CDK6: variants seen among roughly 807,000 people sequenced by gnomAD.
The protein encoded by CDK6 is cyclin-dependent kinase 6.
A neutral mutation model predicts 37.1 loss-of-function variants in CDK6; 6 were observed. The ratio of observed to expected loss-of-function variants is 0.16; its 90% CI spans 0.09 to 0.32. CDK6 has a LOEUF of 0.32. CDK6 is among the 10% of genes least tolerant of loss of function. The pLI, the probability that CDK6 is intolerant of heterozygous loss-of-function variation, is 1.00. For synonymous variants in CDK6, 160 were observed against 161.3 expected, an observed-to-expected ratio of 0.99 and a Z score of 0.06; for missense variants, 224 against 418.9, an observed-to-expected ratio of 0.53 and a Z score of 4.06.
At chr7:92,770,319 CTT>C (rs746741500) in intron 3 of CDK6, among the ~76,000 whole-genome samples, 1,470 of 90,852 alleles carry the variant, frequency 0.016, 28 homozygotes, top group African/African-American at 0.057. Flanking sequence ...TCTATGTATG[CTT>C]TTTTTTTTTT....
At chr7:92,744,440 C>G (rs548637892) in intron 3 of CDK6, among the ~76,000 whole-genome samples, 1 of 152,152 alleles carries the variant, frequency 6.6e-6, no homozygotes, top group Admixed American at 6.6e-5. Context: ...TAACTCCCAA[C>G]GGGTCTTTCT....
chr7:92,723,248 A>G (rs1488380834), intron 4 of CDK6, among the ~76,000 whole-genome samples: 2 of 152,198 alleles, frequency 1.3e-5, no homozygotes, highest in Admixed American at 1.3e-4. Context: ...TAATTTCTGA[A>G]GGGGATACTA....
intron 4 of CDK6, among the ~76,000 whole-genome samples, chr7:92,680,437 A>AG: frequency 1.1e-4 from 12 of 107,678 alleles, no homozygotes; most frequent in Non-Finnish European, 1.9e-4. Context: ...CCATCTCAGA[A>AG]AAAAAAAAAA....
At chr7:92,744,863 C>T (rs1320881497) in intron 3 of CDK6, among the ~76,000 whole-genome samples, 1 of 152,038 alleles carries the variant, frequency 6.6e-6, no homozygotes, top group African/African-American at 2.4e-5. Flanking sequence ...TAGTCATCTT[C>T]CTTTCACTCT....
chr7:92,719,304 C>A (rs574790586), intron 4 of CDK6, among the ~76,000 whole-genome samples: 1 of 152,140 alleles, frequency 6.6e-6, no homozygotes, highest in South Asian at 2.1e-4. Context: ...TGTAATACTT[C>A]TGGTATTAAA....
At chr7:92,699,832 G>A (rs1255641823) in intron 4 of CDK6, among the ~76,000 whole-genome samples, 2 of 152,168 alleles carry the variant, frequency 1.3e-5, no homozygotes, top group Admixed American at 1.3e-4. Context: ...TTAAAAGCCT[G>A]GATTCAAATC....
intron 5 of CDK6, among the ~76,000 whole-genome samples, chr7:92,625,393 G>A (rs1795903032): frequency 6.6e-6 from 1 of 151,766 alleles, no homozygotes; most frequent in Non-Finnish European, 1.5e-5. Context: ...CTTTCCTCTG[G>A]GGTCACTAAA....
intron 4 of CDK6, among the ~76,000 whole-genome samples, chr7:92,704,255 A>G (rs903642639): frequency 1.3e-5 from 2 of 152,192 alleles, no homozygotes; most frequent in Admixed American, 6.5e-5. Flanking sequence ...TATATCATTA[A>G]TTTCTACACT....
chr7:92,755,813 T>C (rs951241519), intron 3 of CDK6, among the ~76,000 whole-genome samples: 4 of 152,212 alleles, frequency 2.6e-5, no homozygotes, highest in Non-Finnish European at 5.9e-5. Flanking sequence ...AACAGTCAGC[T>C]TCCAGGAAGG....
intron 4 of CDK6, among the ~76,000 whole-genome samples, chr7:92,703,619 T>C (rs919330583): frequency 1.3e-5 from 2 of 152,226 alleles, no homozygotes; most frequent in Admixed American, 6.5e-5. Flanking sequence ...GTGTTATGTA[T>C]GCAAGCAACT....
intron 2 of CDK6, among the ~76,000 whole-genome samples, chr7:92,794,915 A>T (rs567611691): frequency 2.6e-5 from 4 of 152,144 alleles, no homozygotes; most frequent in Non-Finnish European, 5.9e-5. Context: ...TCTTTGGCCC[A>T]TAAAACGATT....
intron 2 of CDK6, among the ~76,000 whole-genome samples, chr7:92,795,091 G>A (rs1800376061): frequency 6.6e-6 from 1 of 152,074 alleles, no homozygotes; most frequent in African/African-American, 2.4e-5. Flanking sequence ...CATGGGATAA[G>A]GCAATTATCC....
intron 5 of CDK6, among the ~76,000 whole-genome samples, chr7:92,662,056 G>C (rs1796852067): frequency 6.6e-6 from 1 of 152,154 alleles, no homozygotes; most frequent in Non-Finnish European, 1.5e-5. Context: ...GGAGAGACAA[G>C]GGCATGATTT....
chr7:92,832,957 G>T, intron 2 of CDK6, 134 bp downstream of exon 2: 3 of 654,268 alleles, frequency 4.6e-6, no homozygotes, highest in South Asian at 1.8e-5. Flanking sequence ...CTCTCACTCT[G>T]TAAGACCAAC....
intron 2 of CDK6, among the ~76,000 whole-genome samples, chr7:92,803,252 G>C (rs765463447): frequency 4.6e-5 from 7 of 152,122 alleles, no homozygotes; most frequent in Non-Finnish European, 1.0e-4. Context: ...TGCTTACAAG[G>C]AGCTTTCCCT....
rs982732408 is a variant in CDK6, at chr7:92,730,500, T to A, written c.370-4707A>T. Among the ~76,000 whole-genome samples the A allele has an allele frequency of 3.3e-5, 5 of 152,218 alleles. No homozygotes were observed. The South Asian group carries it at 1.0e-3, about 32-fold the overall frequency. On this transcript the variant is annotated intron_variant, in intron 3 of 7. Coordinates refer to ENST00000424848, the MANE Select transcript of CDK6 (RefSeq NM_001145306.2). ...TATAGCAACAGAGGGAAAGGTCACC[T>A]GAGCCTGCATATAACTTCTCTCGCA... is the stretch of plus-strand genomic sequence containing the variant.
intron 5 of CDK6, among the ~76,000 whole-genome samples, chr7:92,667,880 A>C (rs1330503432): frequency 1.3e-5 from 2 of 152,194 alleles, no homozygotes; most frequent in Non-Finnish European, 2.9e-5. Context: ...ATGAAGTAAA[A>C]ATGTTACAGT....
chr7:92,617,766 T>G (rs79310992), intron 7 of CDK6, among the ~76,000 whole-genome samples: 1 of 152,316 alleles, frequency 6.6e-6, no homozygotes, highest in East Asian at 1.9e-4. Context: ...AACATAATAT[T>G]TACTTCTAAA....
At chr7:92,617,140 T>C (rs757940454) in intron 7 of CDK6, among the ~76,000 whole-genome samples, 3 of 152,174 alleles carry the variant, frequency 2.0e-5, no homozygotes, top group Non-Finnish European at 4.4e-5. Context: ...CCTCTCACCA[T>C]AGGGGGAGCA....
Sources: gnomAD v4.1 joint callset for allele counts (sites outside exome capture counted in the v4.1 genomes callset) on GRCh38, gnomAD v4.1.1 for gene constraint, MANE v1.5 for transcripts, NCBI Gene and HGNC (gene_info 2026-07-23, HGNC 2026-07-21) for gene names.